CEP290: variants seen among roughly 807,000 people sequenced by gnomAD.
CEP290 encodes the protein centrosomal protein of 290 kDa.
CEP290 carries 317 observed loss-of-function variants against 344.9 expected under a neutral mutation model. That is an observed-to-expected ratio of 0.92 (90% confidence interval 0.84 to 1.01). CEP290 has a LOEUF of 1.01. Among genes scored for constraint, CEP290 ranks in the 50% least tolerant of loss-of-function variants. The pLI, the probability that CEP290 is intolerant of heterozygous loss-of-function variation, is 0.00. For synonymous variants in CEP290, 932 were observed against 895.8 expected, an observed-to-expected ratio of 1.04 and a Z score of -0.72; for missense variants, 2,754 against 2,761.4, an observed-to-expected ratio of 1.00 and a Z score of 0.06.
intron 43 of CEP290, among the ~76,000 whole-genome samples, chr12:88,070,179 G>C (rs1165671796): frequency 6.6e-6 from 1 of 152,288 alleles, no homozygotes; most frequent in Middle Eastern, 3.4e-3. Context: ...AGGTACAATG[G>C]AGTAAATACA....
At chr12:88,051,675 T>C in intron 52 of CEP290, 1 of 152,098 alleles carries the variant, frequency 6.6e-6, no homozygotes, top group East Asian at 1.9e-4. Flanking sequence ...AACTGAGGAA[T>C]GGAAAGATTA....
chr12:88,088,187 C>G (rs1374545238), intron 31 of CEP290, among the ~76,000 whole-genome samples: 1 of 152,146 alleles, frequency 6.6e-6, no homozygotes, highest in East Asian at 1.9e-4. Flanking sequence ...CACTAATATT[C>G]ACTTTCATTT....
intron 53 of CEP290, 121 bp downstream of exon 53, chr12:88,050,233 T>A (rs1418296725): frequency 3.3e-6 from 2 of 601,338 alleles, no homozygotes; most frequent in Non-Finnish European, 5.8e-6. Flanking sequence ...CTTTGCAATA[T>A]AAAGGTCAAA....
At chr12:88,076,844 T>C (rs982516362) in intron 41 of CEP290, among the ~76,000 whole-genome samples, 2 of 152,046 alleles carry the variant, frequency 1.3e-5, no homozygotes, top group African/African-American at 4.8e-5. Flanking sequence ...AAAATGTCTA[T>C]CTTTCTGTCC....
At chr12:88,102,208 A>C (rs945732698) in intron 26 of CEP290, among the ~76,000 whole-genome samples, 1 of 152,222 alleles carries the variant, frequency 6.6e-6, no homozygotes, top group Non-Finnish European at 1.5e-5. Flanking sequence ...GGTCTGGTCC[A>C]TATTCACAGA....
At chr12:88,093,148 G>A (rs1334341612) in intron 28 of CEP290, among the ~76,000 whole-genome samples, 3 of 151,870 alleles carry the variant, frequency 2.0e-5, no homozygotes, top group African/African-American at 7.3e-5. Context: ...TACTTCAATT[G>A]TATCATCTAT....
At position 88,092,691 on chromosome 12, in the gene CEP290, C is replaced by T; in HGVS notation, c.3451G>A (p.Glu1151Lys). Residue 1151 changes from glutamate (E) to lysine (K), a missense_variant, in exon 29 of 54, where the codon GAA becomes AAA. Physicochemically the swap from Glu to Lys is moderately conservative, Grantham distance 56 (BLOSUM62 1). Transcript: ENST00000552810. Reference protein sequence around the residue: ...LEKNEMELKVEVSKLREISDI... With the variant: ...LEKNEMELKVKVSKLREISDI... The stretch of plus-strand genomic sequence containing the variant: ...CTTATATGCACTTACTTTGACACTT[C>T]AACTTTTAGTTCCATTTCATTCTTC... 1 of 1,608,558 alleles carries T rather than the reference C, an allele frequency of 6.2e-7. No individual in the cohort carries two copies. The highest frequency in any genetic ancestry group is 8.5e-7 in the Non-Finnish European group (1 of 1,177,846).
chr12:88,123,493 G>A (rs2039539763), intron 13 of CEP290, among the ~76,000 whole-genome samples: 1 of 152,086 alleles, frequency 6.6e-6, no homozygotes, highest in African/African-American at 2.4e-5. Flanking sequence ...GAAAGCAGTT[G>A]TTTCTTCTTC....
At chr12:88,126,545 A>C (rs953621703) in intron 11 of CEP290, 107 bp from the exon 12 acceptor site, 1 of 759,786 alleles carries the variant, frequency 1.3e-6, no homozygotes. Context: ...TACAGAAAAT[A>C]AAAATTATTT....
At chr12:88,117,486 G>C (rs1481046268) in intron 17 of CEP290, among the ~76,000 whole-genome samples, 1 of 152,164 alleles carries the variant, frequency 6.6e-6, no homozygotes. Flanking sequence ...AATAAATCAT[G>C]AAGTTTTTTC....
At chr12:88,062,854 A>G in intron 45 of CEP290, 76 bp from the exon 46 acceptor site, 1 of 897,114 alleles carries the variant, frequency 1.1e-6, no homozygotes, top group Non-Finnish European at 1.8e-6. Context: ...ACAATTCATA[A>G]GAACCATCAA....
chr12:88,062,443 T>A (rs2034550428), intron 46 of CEP290, among the ~76,000 whole-genome samples: 2 of 152,124 alleles, frequency 1.3e-5, no homozygotes, highest in South Asian at 4.1e-4. Flanking sequence ...TCCTGGAAGT[T>A]AAATGTTTTC....
At chr12:88,086,929 T>C (rs1054224553) in intron 32 of CEP290, among the ~76,000 whole-genome samples, 1 of 152,056 alleles carries the variant, frequency 6.6e-6, no homozygotes, top group Non-Finnish European at 1.5e-5. Flanking sequence ...TGGAGAAAAA[T>C]TAAGTTAATT....
chr12:88,097,246 T>C (rs2037497346), intron 26 of CEP290, among the ~76,000 whole-genome samples: 1 of 152,106 alleles, frequency 6.6e-6, no homozygotes, highest in South Asian at 2.1e-4. Context: ...TCTTGAATCA[T>C]AGTTCCCATA....
chr12:88,090,458 C>G (rs898510424), intron 30 of CEP290, among the ~76,000 whole-genome samples: 4 of 151,990 alleles, frequency 2.6e-5, no homozygotes, highest in Non-Finnish European at 5.9e-5. Context: ...ATGGTGAAAC[C>G]CTGTCTCTAC....
intron 28 of CEP290, among the ~76,000 whole-genome samples, 171 bp from the exon 29 acceptor site, chr12:88,093,003 C>T (rs1281297825): frequency 6.6e-6 from 1 of 152,048 alleles, no homozygotes; most frequent in Non-Finnish European, 1.5e-5. Flanking sequence ...ATGAAAGAAT[C>T]AGAAACAAAC....
At chr12:88,068,501 T>A (rs1334274848) in intron 44 of CEP290, 21 bp downstream of exon 44, 2 of 1,389,354 alleles carry the variant, frequency 1.4e-6, no homozygotes, top group South Asian at 1.6e-5. Context: ...AAGAAAAAAA[T>A]AATAAAAGAT....
At chr12:88,064,436 G>A (rs2034737346) in intron 44 of CEP290, among the ~76,000 whole-genome samples, 2 of 152,022 alleles carry the variant, frequency 1.3e-5, no homozygotes, top group African/African-American at 4.8e-5. Flanking sequence ...AATAAAGCAC[G>A]ATTGTTATCT....
At chr12:88,083,460 G>A (rs945204750) in intron 36 of CEP290, among the ~76,000 whole-genome samples, 14 of 152,124 alleles carry the variant, frequency 9.2e-5, no homozygotes, top group East Asian at 3.9e-4. Context: ...AGTGTTGACC[G>A]AATTAACGAG....
Sources: allele counts gnomAD v4.1 joint callset (sites outside exome capture counted in the v4.1 genomes callset), GRCh38; gene constraint gnomAD v4.1.1; transcripts MANE v1.5; gene names NCBI Gene and HGNC (gene_info 2026-07-23, HGNC 2026-07-21).